Variants in NAA60 observed in about 807,000 individuals in gnomAD.
The protein encoded by NAA60 is N-alpha-acetyltransferase 60, NatF catalytic subunit.
In NAA60, 8 loss-of-function variants were observed where a neutral mutation model predicts 26.1. The ratio of observed to expected loss-of-function variants is 0.31; its 90% CI spans 0.18 to 0.55. NAA60 has a LOEUF of 0.55. NAA60 is among the 20% of genes least tolerant of loss of function. NAA60 has a pLI of 0.93. For synonymous variants in NAA60, 131 were observed against 122.5 expected, an observed-to-expected ratio of 1.07 and a Z score of -0.46; for missense variants, 290 against 311.3, an observed-to-expected ratio of 0.93 and a Z score of 0.51.
At chr16:3,449,892 C>G (rs765641922) in intron 2 of NAA60, 225 of 389,234 alleles carry the variant, frequency 5.8e-4, no homozygotes, top group Admixed American at 8.9e-4. Flanking sequence ...GTGAGACATG[C>G]CTTTTACCTT....
intron 4 of NAA60, among the ~76,000 whole-genome samples, chr16:3,481,890 G>A (rs1052456602): frequency 6.6e-6 from 1 of 152,144 alleles, no homozygotes; most frequent in Non-Finnish European, 1.5e-5. Flanking sequence ...TTACGAGTTG[G>A]AAGATGATAA....
intron 3 of NAA60, 43 bp from the exon 4 acceptor site, chr16:3,479,428 C>T (rs2036687294): frequency 6.2e-7 from 1 of 1,605,646 alleles, no homozygotes; most frequent in African/African-American, 1.3e-5. Flanking sequence ...CATAGTTGGA[C>T]TTGACCTGTG....
intron 2 of NAA60, among the ~76,000 whole-genome samples, chr16:3,451,150 A>G (rs911711391): frequency 1.3e-5 from 2 of 152,224 alleles, no homozygotes; most frequent in East Asian, 3.9e-4. Flanking sequence ...GATGTGTGTA[A>G]TAACACATTT....
At chr16:3,476,779 A>G (rs2036512006) in intron 3 of NAA60, among the ~76,000 whole-genome samples, 1 of 152,050 alleles carries the variant, frequency 6.6e-6, no homozygotes, top group Non-Finnish European at 1.5e-5. Context: ...ATATTAAAGG[A>G]GCCTGTAATC....
chr16:3,457,988 G>A, intron 2 of NAA60: 7 of 985,382 alleles, frequency 7.1e-6, no homozygotes, highest in Non-Finnish European at 8.4e-6. Flanking sequence ...GGCGGCCAAT[G>A]GGCTTCCGGG....
At chr16:3,470,677 G>T (rs1476479671) in intron 2 of NAA60, among the ~76,000 whole-genome samples, 1 of 152,204 alleles carries the variant, frequency 6.6e-6, no homozygotes, top group Non-Finnish European at 1.5e-5. Context: ...GGGTTGGGGG[G>T]GGCCGCTGGC....
At chr16:3,444,456 A>G (rs1036906138) in intron 1 of NAA60, among the ~76,000 whole-genome samples, 7 of 152,208 alleles carry the variant, frequency 4.6e-5, no homozygotes, top group Non-Finnish European at 1.0e-4. Context: ...TGGGGAAAAA[A>G]AAAGACGAAA....
At chr16:3,446,256 G>A (rs2034545558) in intron 1 of NAA60, among the ~76,000 whole-genome samples, 1 of 152,168 alleles carries the variant, frequency 6.6e-6, no homozygotes, top group Admixed American at 6.5e-5. Context: ...GAAAGGCTGG[G>A]TGCGGTGGCT....
At chr16:3,451,815 G>C (rs982741544) in intron 2 of NAA60, among the ~76,000 whole-genome samples, 2 of 152,018 alleles carry the variant, frequency 1.3e-5, no homozygotes, top group African/African-American at 2.4e-5. Context: ...CTACTCGGGA[G>C]GCTAAGGCAG....
intron 2 of NAA60, among the ~76,000 whole-genome samples, chr16:3,465,427 G>A (rs752965992): frequency 1.3e-5 from 2 of 151,982 alleles, no homozygotes; most frequent in African/African-American, 2.4e-5. Context: ...TCCCTTCTTC[G>A]TCCTTGTCAT....
intron 4 of NAA60, among the ~76,000 whole-genome samples, chr16:3,480,185 T>G (rs2036737494): frequency 6.6e-6 from 1 of 152,200 alleles, no homozygotes; most frequent in African/African-American, 2.4e-5. Context: ...TGTGATGATG[T>G]TGGTCATCCC....
chr16:3,443,854 G>A lies in NAA60; in HGVS notation c.-77+17G>A, dbSNP rs2034439526. The A allele has an allele frequency of 3.9e-6, 6 of 1,530,750 alleles. No individual in the cohort carries two copies. The highest frequency in any genetic ancestry group is 2.0e-5 in the Admixed American group (1 of 50,494). The allele number at this position is 1,530,750 out of a possible 1,614,324, so 94.8% of individuals were successfully genotyped here. On this transcript the variant is annotated intron_variant, in intron 1 of 7. Coordinates refer to ENST00000407558, the MANE Select transcript of NAA60 (RefSeq NM_001083601.3). ...TAACAAAATGTGGGTTCGGCCAACA[G>A]TGCCCTGTAGGCCTGAAATTTCGGT...
chr16:3,477,961 A>C (rs2036586339), intron 3 of NAA60, among the ~76,000 whole-genome samples: 1 of 152,088 alleles, frequency 6.6e-6, no homozygotes, highest in Non-Finnish European at 1.5e-5. Context: ...GCTACTCGGG[A>C]GGCTGAGGCA....
chr16:3,479,712 G>T, intron 4 of NAA60, 112 bp downstream of exon 4: 1 of 1,295,908 alleles, frequency 7.7e-7, no homozygotes, highest in Admixed American at 2.4e-5. Context: ...AGGAGCCTGT[G>T]ACCCAAGGAA....
Position 3,462,352 on chromosome 16 carries a change from C to T in NAA60, c.-7+13812C>T, listed in dbSNP as rs181358119. Among the ~76,000 whole-genome samples, 155 of 152,228 alleles carry T rather than the reference C, an allele frequency of 1.0e-3. 1 individual carries two copies. Among genetic ancestry groups the T allele is most frequent in the Middle Eastern group, 3.4e-3 (1 of 294 alleles). On this transcript the variant is annotated intron_variant, in intron 2 of 7. Coordinates refer to ENST00000407558, the MANE Select transcript of NAA60 (RefSeq NM_001083601.3). ...GGAAAATGTTAATGCAACAATATTT[C>T]CCTCATTCCTTTGGTGTTCATGGGT...
intron 7 of NAA60, 101 bp downstream of exon 7, chr16:3,485,162 C>T (rs1208773954): frequency 7.7e-6 from 6 of 775,336 alleles, no homozygotes; most frequent in Middle Eastern, 2.2e-4. Context: ...CGGAAGGGGC[C>T]GTGGGGACTG....
chr16:3,461,087 C>T (rs529403773), intron 2 of NAA60, among the ~76,000 whole-genome samples: 1 of 152,238 alleles, frequency 6.6e-6, no homozygotes, highest in East Asian at 1.9e-4. Context: ...TTTAGCATGA[C>T]CTCTGATAGG....
In NAA60 at chr16:3,478,064, A is replaced by AAATAATAGTAATAAT. The variant is rs2036593643; in HGVS notation, c.111-1400_111-1399insGTAATAATAATAATA. On this transcript the variant is annotated intron_variant, in intron 3 of 7. Coordinates refer to ENST00000407558, the MANE Select transcript of NAA60 (RefSeq NM_001083601.3). ...TGAGCGACAGTGAGACTCTGTCTCA[A>AAATAATAGTAATAAT]AATAATAATAATAATAATAATAATA... is the stretch of plus-strand genomic sequence containing the variant. Among the ~76,000 whole-genome samples the AAATAATAGTAATAAT allele has an allele frequency of 2.2e-5, 3 of 137,284 alleles. No homozygotes were observed. In the South Asian group the frequency reaches 7.1e-4, roughly 32 times the overall value. 90.1% of individuals were successfully genotyped at this position (137,284 alleles called of 152,430 possible). A position where few individuals can be genotyped will look rare whatever the true frequency, so the allele number is the denominator to read the frequency against.
At chr16:3,473,587 ATAGTGTTTC>A (rs1204461959) in intron 2 of NAA60, among the ~76,000 whole-genome samples, 1 of 152,176 alleles carries the variant, frequency 6.6e-6, no homozygotes, top group Non-Finnish European at 1.5e-5. Flanking sequence ...AAACCATATC[ATAGTGTTTC>A]ACCATGTTGG....
Sources: gnomAD v4.1 joint callset for allele counts (sites outside exome capture counted in the v4.1 genomes callset) on GRCh38, gnomAD v4.1.1 for gene constraint, MANE v1.5 for transcripts, NCBI Gene and HGNC (gene_info 2026-07-23, HGNC 2026-07-21) for gene names.